Variants in MROH9 observed in about 807,000 individuals in gnomAD.
MROH9 encodes maestro heat like repeat family member 9.
MROH9 carries 92 observed loss-of-function variants against 98.2 expected under a neutral mutation model. The observed-to-expected ratio is 0.94, with a 90% CI of 0.79 to 1.11. The LOEUF is 1.11. Among genes scored for constraint, MROH9 ranks in the 50% most tolerant of loss-of-function variants. The pLI is 0.00. For missense variants in MROH9, 1,057 were observed against 1,014.8 expected (o/e 1.04, Z -0.57); for synonymous variants, 397 against 368.9 (o/e 1.08, Z -0.87).
Position 170,958,450 on chromosome 1 carries a change from A to G in MROH9, c.73-11A>G, listed in dbSNP as rs538632615. The stretch of plus-strand genomic sequence containing the variant: ...TCTTCTTTTTTTTTTTTTTTTTAAC[A>G]TGGTACTTAGGCACATAAAGTTAAC... On this transcript the variant is annotated splice_polypyrimidine_tract_variant and intron_variant, in intron 3 of 21. Coordinates refer to ENST00000367759, the MANE Select transcript of MROH9 (RefSeq NM_001163629.2). 18 of 1,469,156 alleles carry G rather than the reference A, an allele frequency of 1.2e-5. No homozygotes were observed. The South Asian group carries it at 2.1e-4, about 17-fold the overall frequency. 91.0% of individuals were successfully genotyped at this position (1,469,156 alleles called of 1,614,324 possible).
At chr1:170,989,088 TG>T (rs1293983277) in intron 10 of MROH9, among the ~76,000 whole-genome samples, 2 of 152,198 alleles carry the variant, frequency 1.3e-5, no homozygotes, top group African/African-American at 4.8e-5. Flanking sequence ...CTGTATATGA[TG>T]TAACTGCAGG....
At chr1:171,010,720 G>A (rs1309007910) in intron 15 of MROH9, among the ~76,000 whole-genome samples, 2 of 152,138 alleles carry the variant, frequency 1.3e-5, no homozygotes, top group African/African-American at 4.8e-5. Flanking sequence ...TCTGTTGGCT[G>A]CATAAATGTC....
In MROH9 at chr1:171,064,339, A is replaced by G. The variant is rs1204021162; in HGVS notation, c.2585A>G (p.Ter862TrpextTer36). The G allele has an allele frequency of 2.0e-6, 3 of 1,526,734 alleles. No homozygotes were observed. Among genetic ancestry groups the G allele is most frequent in the East Asian group, 4.9e-5 (2 of 40,744 alleles). The allele number at this position is 1,526,734 out of a possible 1,614,324, so 94.6% of individuals were successfully genotyped here. Residue 862 changes from the stop codon to tryptophan, a stop_lost, in exon 22 of 22, where the codon TAG (stop) becomes TGG (tryptophan). Coordinates refer to ENST00000367759, the MANE Select transcript of MROH9 (RefSeq NM_001163629.2). Reference protein sequence around the residue: ...SKDVKNDKAL* With the variant: ...SKDVKNDKALW ...GATGTCAAGAATGATAAGGCCTTAT[A>G]GAAGAGAATGATGATGACATTCATC...
intron 17 of MROH9, 141 bp downstream of exon 17, chr1:171,016,477 G>GT: frequency 1.7e-6 from 1 of 583,546 alleles, no homozygotes; most frequent in Non-Finnish European, 2.6e-6. Context: ...AAAATATTAG[G>GT]TAAGTACTGG....
At chr1:170,959,656 C>T (rs1297139024) in intron 5 of MROH9, 59 bp downstream of exon 5, 7 of 1,488,462 alleles carry the variant, frequency 4.7e-6, no homozygotes, top group Non-Finnish European at 6.4e-6. Context: ...AGCAATCCTG[C>T]AGAATGTGAC....
intron 11 of MROH9, among the ~76,000 whole-genome samples, chr1:170,990,820 A>C (rs538522731): frequency 1.3e-5 from 2 of 152,318 alleles, no homozygotes; most frequent in Non-Finnish European, 2.9e-5. Context: ...AGTTCTATCT[A>C]TAGATATGTT....
intron 7 of MROH9, among the ~76,000 whole-genome samples, chr1:170,966,339 T>G (rs1174292330): frequency 6.6e-6 from 1 of 152,098 alleles, no homozygotes; most frequent in Non-Finnish European, 1.5e-5. Flanking sequence ...CTCAAAAACC[T>G]TATACTACCT....
At chr1:171,021,249 G>A (rs1354576573) in intron 17 of MROH9, among the ~76,000 whole-genome samples, 2 of 152,042 alleles carry the variant, frequency 1.3e-5, no homozygotes, top group Non-Finnish European at 2.9e-5. Context: ...CACAGAATTA[G>A]AAAAAACTAC....
chr1:170,970,729 TGTGAGAGAGA>T (rs1456566303), intron 7 of MROH9, among the ~76,000 whole-genome samples: 24 of 102,080 alleles, frequency 2.4e-4, no homozygotes, highest in African/African-American at 8.5e-4. Flanking sequence ...TGTGTGTGTG[TGTGAGAGAGA>T]GAGAGAGAGA....
intron 7 of MROH9, among the ~76,000 whole-genome samples, chr1:170,969,186 T>A (rs573867588): frequency 2.6e-4 from 40 of 152,258 alleles, no homozygotes; most frequent in African/African-American, 9.1e-4. Context: ...TAAATGTCCA[T>A]CAACAGATAA....
At chr1:170,947,085 T>C (rs1156674306) in intron 2 of MROH9, among the ~76,000 whole-genome samples, 1 of 152,006 alleles carries the variant, frequency 6.6e-6, no homozygotes, top group African/African-American at 2.4e-5. Flanking sequence ...CTAATCACAC[T>C]TGGTACTGAC....
chr1:170,956,909 G>C (rs1649784433), intron 3 of MROH9, among the ~76,000 whole-genome samples: 1 of 151,936 alleles, frequency 6.6e-6, no homozygotes, highest in Non-Finnish European at 1.5e-5. Flanking sequence ...AGTGGTGAGA[G>C]TGGGCATCCT....
Position 170,995,443 on chromosome 1 carries a change from G to T in MROH9, c.1249G>T (p.Ala417Ser). The T allele has an allele frequency of 1.9e-6, 3 of 1,613,374 alleles. No homozygotes were observed. Among genetic ancestry groups the T allele is most frequent in the Non-Finnish European group, 2.5e-6 (3 of 1,179,560 alleles). ...TCTTGGTTCCTACAGGAAAGCGGTG[G>T]CCCAGTATTTCCCCCAGCTCTTGAC... is the stretch of plus-strand genomic sequence containing the variant. ...LPLGSYRKAV[A>S]QYFPQLLTTL... is the part of the protein sequence containing the mutation. The change falls in exon 13 of 22, where the codon GCC becomes TCC. Residue 417 changes from alanine (A) to serine (S), a missense_variant. Coordinates refer to ENST00000367759, the MANE Select transcript of MROH9 (RefSeq NM_001163629.2).
intron 20 of MROH9, among the ~76,000 whole-genome samples, chr1:171,050,860 T>C (rs2101868126): frequency 6.6e-6 from 1 of 152,244 alleles, no homozygotes; most frequent in South Asian, 2.1e-4. Flanking sequence ...TAGTTAAGGG[T>C]TTTTCTCATG....
At position 170,998,139 on chromosome 1, in the gene MROH9, T is replaced by C; in HGVS notation, c.1476-15T>C. The C allele has an allele frequency of 6.3e-7, 1 of 1,583,700 alleles. No homozygotes were observed. Among genetic ancestry groups the C allele is most frequent in the Non-Finnish European group, 8.6e-7 (1 of 1,167,700 alleles). ...TTTCTCCTTTGCTAATTCAGTGCCT[T>C]ATTCTCTTTTACAGAACTCTCAGTG... On this transcript the variant is annotated splice_polypyrimidine_tract_variant and intron_variant, in intron 14 of 21. Coordinates refer to ENST00000367759, the MANE Select transcript of MROH9 (RefSeq NM_001163629.2).
At chr1:170,994,343 C>T (rs999096602) in intron 12 of MROH9, among the ~76,000 whole-genome samples, 27 of 152,076 alleles carry the variant, frequency 1.8e-4, no homozygotes, top group African/African-American at 6.5e-4. Flanking sequence ...TGTTAGTATA[C>T]CTAAGTGTTT....
At chr1:170,949,673 T>G (rs911733282) in intron 3 of MROH9, among the ~76,000 whole-genome samples, 99 of 152,014 alleles carry the variant, frequency 6.5e-4, no homozygotes, top group African/African-American at 2.3e-3. Flanking sequence ...GTGGGGATCT[T>G]CCAGAACATG....
chr1:170,961,079 G>A (rs1650000172), intron 5 of MROH9, among the ~76,000 whole-genome samples: 1 of 152,146 alleles, frequency 6.6e-6, no homozygotes, highest in Admixed American at 6.5e-5. Flanking sequence ...GTAAGTAGCA[G>A]CACTTAAAAT....
At chr1:171,001,838 T>C (rs1027470004) in intron 15 of MROH9, among the ~76,000 whole-genome samples, 1 of 152,116 alleles carries the variant, frequency 6.6e-6, no homozygotes, top group African/African-American at 2.4e-5. Flanking sequence ...GCCAGTGGAG[T>C]ATGAAGTCCC....
Sources: allele counts gnomAD v4.1 joint callset (sites outside exome capture counted in the v4.1 genomes callset), GRCh38; gene constraint gnomAD v4.1.1; transcripts MANE v1.5; gene names NCBI Gene and HGNC (gene_info 2026-07-23, HGNC 2026-07-21).